TIAM2: variants seen among roughly 807,000 people sequenced by gnomAD.
TIAM2 encodes the protein rho guanine nucleotide exchange factor TIAM2.
A neutral mutation model predicts 152.9 loss-of-function variants in TIAM2; 80 were observed. The ratio of observed to expected loss-of-function variants is 0.52; its 90% confidence interval spans 0.44 to 0.63. TIAM2 has a LOEUF of 0.63. Among genes scored for constraint, TIAM2 ranks in the 30% least tolerant of loss-of-function variants. TIAM2 has a pLI of 0.00. For synonymous variants in TIAM2, 804 were observed against 838.0 expected (o/e 0.96, Z 0.70); for missense variants, 1,965 against 2,120.1 (o/e 0.93, Z 1.44).
chr6:155,111,235 C>T (rs1443095693), intron 2 of TIAM2, among the ~76,000 whole-genome samples: 1 of 151,798 alleles, frequency 6.6e-6, no homozygotes, highest in Non-Finnish European at 1.5e-5. Context: ...CGAGGAAACT[C>T]ATGACATTAG....
intron 1 of TIAM2, among the ~76,000 whole-genome samples, chr6:155,018,317 AT>A (rs1474275712): frequency 6.6e-6 from 1 of 150,830 alleles, no homozygotes; most frequent in Non-Finnish European, 1.5e-5. Flanking sequence ...CTTGCTTCTT[AT>A]TTTTTTCAAT....
At chr6:154,997,029 A>G (rs1329914190) in intron 1 of TIAM2, among the ~76,000 whole-genome samples, 2 of 152,118 alleles carry the variant, frequency 1.3e-5, no homozygotes, top group East Asian at 3.9e-4. Flanking sequence ...ATAATGTGGC[A>G]CCTGCCTGCC....
chr6:155,225,467 G>A (rs1306981943), intron 15 of TIAM2, among the ~76,000 whole-genome samples: 1 of 152,136 alleles, frequency 6.6e-6, no homozygotes, highest in Non-Finnish European at 1.5e-5. Context: ...AGGCTTACAG[G>A]TAACTTCTAA....
intron 1 of TIAM2, among the ~76,000 whole-genome samples, chr6:155,050,789 CT>C (rs767582141): frequency 6.6e-6 from 1 of 152,160 alleles, no homozygotes; most frequent in Non-Finnish European, 1.5e-5. Flanking sequence ...AAATGTACAA[CT>C]TTGTTCTTAT....
At chr6:155,084,763 G>T (rs1778142782) in intron 1 of TIAM2, among the ~76,000 whole-genome samples, 1 of 152,160 alleles carries the variant, frequency 6.6e-6, no homozygotes, top group African/African-American at 2.4e-5. Context: ...ATGAATGGCA[G>T]CTTCTCTCCC....
intron 22 of TIAM2, among the ~76,000 whole-genome samples, chr6:155,251,286 TTTTC>T (rs1300072420): frequency 1.3e-5 from 2 of 152,060 alleles, no homozygotes; most frequent in Admixed American, 6.6e-5. Flanking sequence ...CCTGCTATCT[TTTTC>T]TTTTTCTTTT....
chr6:155,223,162 T>C (rs1205517241), intron 15 of TIAM2, among the ~76,000 whole-genome samples: 1 of 152,214 alleles, frequency 6.6e-6, no homozygotes, highest in Non-Finnish European at 1.5e-5. Flanking sequence ...AGTCTTACGA[T>C]GTTTATTCAC....
chr6:155,227,480 C>T (rs1015919327), intron 15 of TIAM2, among the ~76,000 whole-genome samples: 2 of 152,170 alleles, frequency 1.3e-5, no homozygotes, highest in African/African-American at 2.4e-5. Context: ...GTGACTGTAC[C>T]ACGGATCGCG....
chr6:155,132,853 T>G (rs1056547426), intron 4 of TIAM2, among the ~76,000 whole-genome samples: 1 of 152,200 alleles, frequency 6.6e-6, no homozygotes, highest in Non-Finnish European at 1.5e-5. Flanking sequence ...GCGGCTCTAG[T>G]GAGCTGCATT....
At chr6:155,061,913 C>T (rs1330447723) in intron 1 of TIAM2, among the ~76,000 whole-genome samples, 2 of 152,124 alleles carry the variant, frequency 1.3e-5, no homozygotes, top group Non-Finnish European at 2.9e-5. Context: ...GTATAGCCAC[C>T]ACCACAGTGC....
At chr6:155,052,053 C>T (rs1014758969) in intron 1 of TIAM2, among the ~76,000 whole-genome samples, 1 of 152,120 alleles carries the variant, frequency 6.6e-6, no homozygotes, top group Non-Finnish European at 1.5e-5. Flanking sequence ...TTAGAGGTAG[C>T]TTCCAAAACT....
intron 7 of TIAM2, among the ~76,000 whole-genome samples, chr6:155,154,178 C>A (rs1173643077): frequency 6.6e-6 from 1 of 152,142 alleles, no homozygotes; most frequent in African/African-American, 2.4e-5. Context: ...CATTTTAAAA[C>A]CTCAATAAAT....
intron 1 of TIAM2, among the ~76,000 whole-genome samples, chr6:155,059,233 T>G (rs550600363): frequency 6.6e-6 from 1 of 152,210 alleles, no homozygotes; most frequent in Non-Finnish European, 1.5e-5. Flanking sequence ...TTTCATGACC[T>G]TGACACTTTT....
chr6:155,131,083 G>A (rs777605390), intron 4 of TIAM2, among the ~76,000 whole-genome samples: 10 of 152,196 alleles, frequency 6.6e-5, no homozygotes, highest in African/African-American at 1.9e-4. Context: ...GGCCATAGCC[G>A]GTGTGGCAGC....
At chr6:155,202,197 T>C (rs540588003) in intron 14 of TIAM2, among the ~76,000 whole-genome samples, 27 of 152,348 alleles carry the variant, frequency 1.8e-4, no homozygotes, top group Admixed American at 6.5e-4. Context: ...TTTTTTTCCC[T>C]CTCAGTTATT....
chr6:155,165,393 G>A lies in TIAM2; in HGVS notation c.2345G>A (p.Arg782Lys). The A allele has an allele frequency of 6.2e-7, 1 of 1,612,994 alleles. No homozygotes were observed. Among genetic ancestry groups the A allele is most frequent in the South Asian group, 1.1e-5 (1 of 90,818 alleles). Reference sequence around the variant, plus strand: ...CTGGCCAGAAAAGGCAAGGAGAAGAGACCTTCTATAACTCAGGTGAGCTTT... The same window carrying A: ...CTGGCCAGAAAAGGCAAGGAGAAGAAACCTTCTATAACTCAGGTGAGCTTT... ...DTLARKGKEK[R>K]PSITQVDELL... is the part of the protein sequence containing the mutation. Residue 782 changes from arginine to lysine, a missense_variant, in exon 9 of 27, where the codon AGA (arginine) becomes AAA (lysine). By Grantham distance (26) the Arg-to-Lys change is conservative (BLOSUM62 2). Around this residue, in one of 3 missense-constraint regions of TIAM2, gnomAD observed 1,025 missense variants for 1,119.4 expected, o/e 0.92. Coordinates refer to ENST00000682666, the MANE Select transcript of TIAM2 (RefSeq NM_012454.4).
intron 14 of TIAM2, among the ~76,000 whole-genome samples, chr6:155,190,687 G>T (rs992270831): frequency 6.6e-6 from 1 of 152,198 alleles, no homozygotes; most frequent in Non-Finnish European, 1.5e-5. Flanking sequence ...ATATCTGTTG[G>T]CTCTGCCACT....
intron 7 of TIAM2, among the ~76,000 whole-genome samples, chr6:155,149,388 T>C (rs1419001904): frequency 6.6e-6 from 1 of 152,206 alleles, no homozygotes; most frequent in Non-Finnish European, 1.5e-5. Context: ...GGGATGAAGA[T>C]AGATAGTGAG....
At chr6:155,039,154 G>A (rs1047140126) in intron 1 of TIAM2, among the ~76,000 whole-genome samples, 1 of 151,448 alleles carries the variant, frequency 6.6e-6, no homozygotes, top group Non-Finnish European at 1.5e-5. Flanking sequence ...TGGAGACGGG[G>A]TTTGCCATGT....
Sources: allele counts gnomAD v4.1 joint callset (sites outside exome capture counted in the v4.1 genomes callset), GRCh38; gene constraint gnomAD v4.1.1; regional missense constraint gnomAD v4.1.1; transcripts MANE v1.5; gene names NCBI Gene and HGNC (gene_info 2026-07-23, HGNC 2026-07-21).